TMEM116: variants seen among roughly 807,000 people sequenced by gnomAD.
The protein encoded by TMEM116 is transmembrane protein 116.
A neutral mutation model predicts 44.3 loss-of-function variants in TMEM116; 38 were observed. The observed-to-expected ratio is 0.86, with a 90% CI of 0.66 to 1.12. The LOEUF (loss-of-function observed/expected upper bound fraction) is 1.12. Ranked by LOEUF, TMEM116 falls within the 50% of genes most tolerant of loss-of-function variation. TMEM116 has a pLI of 0.00. For synonymous variants in TMEM116, 132 were observed against 144.8 expected (o/e 0.91, Z 0.64); for missense variants, 354 against 401.7 (o/e 0.88, Z 1.01).
intron 2 of TMEM116, among the ~76,000 whole-genome samples, chr12:112,004,326 C>A (rs1015904140): frequency 2.0e-5 from 3 of 151,902 alleles, no homozygotes; most frequent in African/African-American, 7.3e-5. Flanking sequence ...CTTCTGTCAC[C>A]CAGGCTAGAG....
intron 3 of TMEM116, among the ~76,000 whole-genome samples, chr12:111,996,767 G>GTACAAGAAAACATT (rs2076949495): frequency 6.6e-6 from 1 of 152,048 alleles, no homozygotes; most frequent in Non-Finnish European, 1.5e-5. Context: ...AAGAAAACAT[G>GTACAAGAAAACATT]TACAAGAATG....
intron 4 of TMEM116, among the ~76,000 whole-genome samples, chr12:111,944,392 G>A (rs2073088478): frequency 1.3e-5 from 2 of 152,086 alleles, no homozygotes; most frequent in Admixed American, 1.3e-4. Context: ...TGGGCACAGT[G>A]GCTCACCCTG....
At chr12:111,985,063 C>T (rs1593535556) in intron 4 of TMEM116, among the ~76,000 whole-genome samples, 2 of 152,182 alleles carry the variant, frequency 1.3e-5, no homozygotes, top group South Asian at 4.1e-4. Flanking sequence ...AAGACAAAGT[C>T]ATCATACTCA....
intron 4 of TMEM116, among the ~76,000 whole-genome samples, chr12:111,952,266 C>T (rs909926089): frequency 2.0e-5 from 3 of 152,076 alleles, no homozygotes; most frequent in Admixed American, 6.6e-5. Flanking sequence ...ACACAACTGA[C>T]TTGCTGACTT....
rs2136769328 is a variant in TMEM116, at chr12:112,013,006, G to A, written c.-38C>T. The A allele has an allele frequency of 6.3e-6, 1 of 159,168 alleles. No individual in the cohort carries two copies. Among genetic ancestry groups the A allele is most frequent in the African/African-American group, 2.4e-5 (1 of 41,836 alleles). 9.9% of individuals were successfully genotyped at this position (159,168 alleles called of 1,614,324 possible). A position where few individuals can be genotyped will look rare whatever the true frequency, so the allele number is the denominator to read the frequency against. ...GAACTTGACTAATAGACTGACCGAG[G>A]GTTGGAGCGGGTCCCAACCAACTGC... On this transcript the variant is annotated 5_prime_UTR_variant, in exon 1 of 11. Transcript: ENST00000552374.
At chr12:111,945,374 A>G (rs1210638503) in intron 4 of TMEM116, among the ~76,000 whole-genome samples, 4 of 150,738 alleles carry the variant, frequency 2.7e-5, no homozygotes, top group Non-Finnish European at 4.4e-5. Context: ...AAAAAAGAAG[A>G]AGAAATAGGT....
At position 111,932,489 on chromosome 12, in the gene TMEM116, C is replaced by G. The variant is rs183116639; in HGVS notation, c.807+97G>C. 1.1e-5 allele frequency: 11 copies of G among 1,011,830 alleles called. No individual in the cohort carries two copies. The Admixed American group carries it at 1.9e-4, about 17-fold the overall frequency. The allele number at this position is 1,011,830 out of a possible 1,614,324, so 62.7% of individuals were successfully genotyped here. ...TTTTCTCTTTTGCAATGTAGAAGTA[C>G]CCGGAGGGAAAAAATCATCCTTACC... On this transcript the variant is annotated intron_variant, in intron 10 of 10. Coordinates refer to ENST00000552374, the MANE Select transcript of TMEM116 (RefSeq NM_001193531.2).
At chr12:111,933,240 C>CAAA (rs201394868) in intron 9 of TMEM116, among the ~76,000 whole-genome samples, 1 of 109,836 alleles carries the variant, frequency 9.1e-6, no homozygotes, top group Non-Finnish European at 2.0e-5. Flanking sequence ...GACTCTGTCT[C>CAAA]AAAAAAAAAA....
chr12:112,003,396 G>T (rs1833273333), intron 3 of TMEM116, among the ~76,000 whole-genome samples: 1 of 152,076 alleles, frequency 6.6e-6, no homozygotes, highest in African/African-American at 2.4e-5. Context: ...GTGAAACCCT[G>T]TCTCTACCAA....
chr12:111,940,544 TACACACAC>T (rs201721660), intron 5 of TMEM116, among the ~76,000 whole-genome samples: 3 of 84,522 alleles, frequency 3.5e-5, no homozygotes, highest in East Asian at 5.0e-4. Context: ...TATATATATA[TACACACAC>T]ACATATATAT....
chr12:111,957,540 G>A (rs1249875800), intron 4 of TMEM116, among the ~76,000 whole-genome samples: 4 of 151,240 alleles, frequency 2.6e-5, no homozygotes, highest in African/African-American at 9.7e-5. Context: ...GAGGTGGGGG[G>A]CAGCCCCCGC....
intron 3 of TMEM116, among the ~76,000 whole-genome samples, chr12:112,002,564 C>CAAAAAAA (rs11318946): frequency 9.3e-6 from 1 of 107,424 alleles, no homozygotes; most frequent in African/African-American, 3.3e-5. Context: ...GACTCCATCT[C>CAAAAAAA]AAAAAAAAAA....
intron 5 of TMEM116, among the ~76,000 whole-genome samples, chr12:111,939,055 C>T (rs2072434266): frequency 6.6e-6 from 1 of 151,886 alleles, no homozygotes; most frequent in Non-Finnish European, 1.5e-5. Context: ...TTTTTGTGAC[C>T]CCTCCCACTC....
At chr12:111,959,899 A>G (rs1435568780) in intron 4 of TMEM116, among the ~76,000 whole-genome samples, 1 of 152,196 alleles carries the variant, frequency 6.6e-6, no homozygotes, top group Non-Finnish European at 1.5e-5. Flanking sequence ...CTGCCACACA[A>G]TAATGTGAGA....
chr12:112,006,364 G>A (rs1197335907), intron 1 of TMEM116, among the ~76,000 whole-genome samples: 1 of 152,184 alleles, frequency 6.6e-6, no homozygotes, highest in East Asian at 1.9e-4. Context: ...CTAAAAAAAG[G>A]GGTGGGCGGA....
At chr12:111,987,275 C>T (rs1177852471) in intron 4 of TMEM116, among the ~76,000 whole-genome samples, 9 of 152,072 alleles carry the variant, frequency 5.9e-5, no homozygotes, top group Non-Finnish European at 1.3e-4. Context: ...TAGGCTGAGG[C>T]AGGCGGATTG....
At chr12:111,931,922 A>G in intron 10 of TMEM116, 95 bp from the exon 11 acceptor site, 1 of 866,596 alleles carries the variant, frequency 1.2e-6, no homozygotes, top group East Asian at 2.7e-5. Flanking sequence ...GCATTGTTAT[A>G]TTTTCTCTAT....
At chr12:111,998,500 A>T (rs2077050828) in intron 3 of TMEM116, among the ~76,000 whole-genome samples, 1 of 152,194 alleles carries the variant, frequency 6.6e-6, no homozygotes, top group African/African-American at 2.4e-5. Flanking sequence ...GTGAGCAATA[A>T]CATTCTGATC....
chr12:112,002,564 C>CAA (rs11318946), intron 3 of TMEM116, among the ~76,000 whole-genome samples: 1 of 107,420 alleles, frequency 9.3e-6, no homozygotes, highest in Admixed American at 1.1e-4. Context: ...GACTCCATCT[C>CAA]AAAAAAAAAA....
Sources: allele counts gnomAD v4.1 joint callset (sites outside exome capture counted in the v4.1 genomes callset), GRCh38; gene constraint gnomAD v4.1.1; transcripts MANE v1.5; gene names NCBI Gene and HGNC (gene_info 2026-07-23, HGNC 2026-07-21).